The following FARS2 variants were observed in gnomAD, a reference collection of about 807,000 sequenced individuals.
FARS2 encodes the protein phenylalanyl-tRNA synthetase 2, mitochondrial, also known as phenylalanine--tRNA ligase, mitochondrial.
FARS2 carries 40 observed loss-of-function variants against 46.4 expected under a neutral mutation model. The ratio of observed to expected loss-of-function variants is 0.86; its 90% confidence interval spans 0.67 to 1.12. FARS2 has a LOEUF of 1.12. FARS2 is among the 50% of genes most tolerant of loss of function. FARS2 has a pLI of 0.00. For missense variants in FARS2, 513 were observed against 567.9 expected (o/e 0.90, Z 0.98); for synonymous variants, 234 against 214.9 (o/e 1.09, Z -0.78).
intron 5 of FARS2, among the ~76,000 whole-genome samples, chr6:5,579,594 T>C (rs12111152): frequency 6.6e-6 from 1 of 152,208 alleles, no homozygotes. Context: ...TTTTAATGCC[T>C]GTTCTCTGGG....
chr6:5,442,005 A>G (rs1247781401), intron 4 of FARS2, among the ~76,000 whole-genome samples: 1 of 152,122 alleles, frequency 6.6e-6, no homozygotes, highest in Non-Finnish European at 1.5e-5. Flanking sequence ...CTGAAGTGGG[A>G]GGATCACTTG....
chr6:5,539,182 C>T (rs1162661935), intron 4 of FARS2, among the ~76,000 whole-genome samples: 2 of 151,528 alleles, frequency 1.3e-5, no homozygotes, highest in Non-Finnish European at 2.9e-5. Context: ...GTGGTCCTGC[C>T]AATCATCCAC....
chr6:5,694,848 A>AAAAAAAAAG (rs1362579780), intron 6 of FARS2: 1 of 151,818 alleles, frequency 6.6e-6, no homozygotes, highest in African/African-American at 2.4e-5. Flanking sequence ...CTCTACAAAA[A>AAAAAAAAAG]AAAAAAAAAT....
the FARS2 span, among the ~76,000 whole-genome samples, chr6:5,253,829 T>C: frequency 1.6e-5 from 1 of 61,410 alleles, no homozygotes; most frequent in Admixed American, 1.7e-4. Context: ...TGCCTCATGC[T>C]GAGCAAAAAA....
intron 4 of FARS2, among the ~76,000 whole-genome samples, chr6:5,537,111 A>G (rs1770253208): frequency 6.6e-6 from 1 of 152,168 alleles, no homozygotes; most frequent in South Asian, 2.1e-4. Context: ...GCCTTGATAC[A>G]ACCCAAGTAC....
At chr6:5,740,807 C>T (rs2150951351) in intron 6 of FARS2, among the ~76,000 whole-genome samples, 1 of 152,342 alleles carries the variant, frequency 6.6e-6, no homozygotes, top group Admixed American at 6.5e-5. Flanking sequence ...GACTTCAGCA[C>T]TCCAGGATCC....
In FARS2 at chr6:5,650,796, A is replaced by G. The variant is rs1378928742; in HGVS notation, c.1217+37476A>G. Reference sequence around the variant, plus strand: ...CTGGCCAAAGTGGGACACATTTCCAATAAACAATTCCTACTGGAAGAGGCC... The same window carrying G: ...CTGGCCAAAGTGGGACACATTTCCAGTAAACAATTCCTACTGGAAGAGGCC... On this transcript the variant is annotated intron_variant, in intron 6 of 6. Coordinates refer to ENST00000274680, the MANE Select transcript of FARS2 (RefSeq NM_006567.5). 3.9e-5 allele frequency among the ~76,000 whole-genome samples: 6 copies of G among 152,282 alleles called. No individual in the cohort carries two copies. In the East Asian group the frequency reaches 1.2e-3, roughly 29 times the overall value.
intron 4 of FARS2, among the ~76,000 whole-genome samples, chr6:5,474,506 A>G (rs1765995931): frequency 6.6e-6 from 1 of 152,154 alleles, no homozygotes; most frequent in African/African-American, 2.4e-5. Context: ...TGTGTAGCCT[A>G]CTACACACCT....
intron 4 of FARS2, among the ~76,000 whole-genome samples, chr6:5,483,802 G>C (rs909442401): frequency 6.6e-6 from 1 of 152,142 alleles, no homozygotes; most frequent in Admixed American, 6.5e-5. Context: ...AGCAGGTGAG[G>C]GGGGGCATTA....
intron 5 of FARS2, among the ~76,000 whole-genome samples, chr6:5,577,704 C>T (rs964175274): frequency 7.2e-5 from 11 of 152,128 alleles, no homozygotes; most frequent in East Asian, 1.9e-4. Context: ...AACATAGATC[C>T]GGAAAGTGGG....
chr6:5,549,234 A>G (rs1169121618), intron 5 of FARS2, among the ~76,000 whole-genome samples: 1 of 151,388 alleles, frequency 6.6e-6, no homozygotes, highest in Non-Finnish European at 1.5e-5. Context: ...CACAACGTGC[A>G]GGTTTGTTAC....
intron 4 of FARS2, among the ~76,000 whole-genome samples, chr6:5,457,697 A>G (rs1764979816): frequency 6.6e-6 from 1 of 152,216 alleles, no homozygotes; most frequent in Non-Finnish European, 1.5e-5. Flanking sequence ...ATTCCTGGAT[A>G]GTTGAATTTG....
At chr6:5,639,734 C>T (rs981381480) in intron 6 of FARS2, among the ~76,000 whole-genome samples, 1 of 152,164 alleles carries the variant, frequency 6.6e-6, no homozygotes, top group Admixed American at 6.5e-5. Flanking sequence ...TGAAAAGTGT[C>T]CTATTGTACT....
At chr6:5,473,003 A>T (rs961307344) in intron 4 of FARS2, among the ~76,000 whole-genome samples, 1 of 152,216 alleles carries the variant, frequency 6.6e-6, no homozygotes, top group Admixed American at 6.5e-5. Flanking sequence ...TTCATGGCCT[A>T]AAAGGGTAAT....
chr6:5,521,723 T>C (rs1769151776), intron 4 of FARS2, among the ~76,000 whole-genome samples: 2 of 150,944 alleles, frequency 1.3e-5, no homozygotes, highest in African/African-American at 5.0e-5. Flanking sequence ...CTCATGGTGA[T>C]ACGACCTCCC....
At chr6:5,623,721 A>T (rs1161516734) in intron 6 of FARS2, among the ~76,000 whole-genome samples, 1 of 74,100 alleles carries the variant, frequency 1.3e-5, no homozygotes, top group African/African-American at 6.8e-5. Context: ...CAAAAAAAAT[A>T]AATAAATAAA....
chr6:5,588,384 G>C (rs1381455871), intron 5 of FARS2, among the ~76,000 whole-genome samples: 1 of 152,100 alleles, frequency 6.6e-6, no homozygotes, highest in Non-Finnish European at 1.5e-5. Flanking sequence ...AAATCTGGAA[G>C]GTGTTAACAT....
chr6:5,559,107 A>G (rs745378726), intron 5 of FARS2, among the ~76,000 whole-genome samples: 6 of 151,636 alleles, frequency 4.0e-5, no homozygotes, highest in African/African-American at 7.3e-5. Flanking sequence ...AGATTTTTTT[A>G]AAGAGTAAAA....
At chr6:5,756,896 C>T (rs1486999275) in intron 6 of FARS2, among the ~76,000 whole-genome samples, 1 of 152,186 alleles carries the variant, frequency 6.6e-6, no homozygotes, top group Non-Finnish European at 1.5e-5. Context: ...CACACTTTAC[C>T]CAACCTGTGC....
Sources: gnomAD v4.1 joint callset for allele counts (sites outside exome capture counted in the v4.1 genomes callset) on GRCh38, gnomAD v4.1.1 for gene constraint, MANE v1.5 for transcripts, NCBI Gene and HGNC (gene_info 2026-07-23, HGNC 2026-07-21) for gene names.